The following IL1RAPL1 variants were observed in gnomAD, a reference collection of about 807,000 sequenced individuals.
IL1RAPL1 encodes the protein interleukin-1 receptor accessory protein-like 1.
Under a neutral mutation model 48.4 loss-of-function variants are expected in IL1RAPL1, and 3 were observed. That is an observed-to-expected ratio of 0.06 (90% confidence interval 0.03 to 0.16). IL1RAPL1 has a LOEUF of 0.16. IL1RAPL1 is among the 10% of genes least tolerant of loss of function. The pLI is 1.00. For synonymous variants in IL1RAPL1, 185 were observed against 187.7 expected (o/e 0.99, Z 0.12); for missense variants, 349 against 530.6 (o/e 0.66, Z 3.36).
intron 3 of IL1RAPL1, among the ~76,000 whole-genome samples, chrX:29,322,973 T>C (rs755170900): frequency 2.8e-4 from 31 of 111,933 alleles, no homozygotes; most frequent in Non-Finnish European, 5.1e-4. Context: ...TTTTTAAATA[T>C]TTTAGACCCT....
At chrX:29,202,471 A>T (rs1930574961) in intron 2 of IL1RAPL1, among the ~76,000 whole-genome samples, 1 of 112,334 alleles carries the variant, frequency 8.9e-6, no homozygotes, top group African/African-American at 3.2e-5. Context: ...AAGAACTCAA[A>T]GCAGAATTAT....
intron 5 of IL1RAPL1, among the ~76,000 whole-genome samples, chrX:29,516,547 C>A (rs1173295101): frequency 2.3e-4 from 21 of 90,003 alleles, no homozygotes; most frequent in Non-Finnish European, 4.9e-4. Context: ...ATTCACTGTT[C>A]TATGACTTAT....
At chrX:29,953,793 T>C (rs12847035) in intron 9 of IL1RAPL1, among the ~76,000 whole-genome samples, 38,097 of 110,107 alleles carry the variant, frequency 0.35, 5,923 homozygotes, top group African/African-American at 0.61. Flanking sequence ...AATCATTCAT[T>C]CACAATTAAG....
intron 2 of IL1RAPL1, among the ~76,000 whole-genome samples, chrX:29,167,626 A>C (rs1448082769): frequency 9.0e-6 from 1 of 110,561 alleles, no homozygotes; most frequent in Non-Finnish European, 1.9e-5. Context: ...AAGACAATAA[A>C]GTTGATAGTG....
intron 5 of IL1RAPL1, among the ~76,000 whole-genome samples, chrX:29,569,642 AAAC>A (rs201776828): frequency 0.011 from 1,218 of 107,714 alleles, 17 homozygotes; most frequent in African/African-American, 0.039. Context: ...CAAAAAAAAA[AAAC>A]AACTGCCATT....
intron 5 of IL1RAPL1, among the ~76,000 whole-genome samples, chrX:29,423,828 T>C (rs1484399734): frequency 1.8e-5 from 2 of 111,495 alleles, no homozygotes; most frequent in Non-Finnish European, 3.8e-5. Flanking sequence ...TAGTTTAGAG[T>C]GTACTATTTG....
chrX:28,603,539 T>A (rs1486409896), intron 1 of IL1RAPL1, among the ~76,000 whole-genome samples: 1 of 112,274 alleles, frequency 8.9e-6, no homozygotes, highest in Non-Finnish European at 1.9e-5. Flanking sequence ...TATTTCTTTG[T>A]GTCTTCCTAA....
intron 2 of IL1RAPL1, among the ~76,000 whole-genome samples, chrX:29,228,700 G>A (rs768012548): frequency 9.0e-6 from 1 of 111,726 alleles, no homozygotes; most frequent in African/African-American, 3.3e-5. Context: ...TAATCTATAG[G>A]TTTCTTCCTT....
At chrX:29,379,135 G>C (rs776055218) in intron 3 of IL1RAPL1, among the ~76,000 whole-genome samples, 1 of 112,654 alleles carries the variant, frequency 8.9e-6, no homozygotes, top group Non-Finnish European at 1.9e-5. Context: ...TAGACGTTCA[G>C]GGTTGGTTTC....
At chrX:29,622,692 A>T (rs1924496902) in intron 5 of IL1RAPL1, among the ~76,000 whole-genome samples, 1 of 111,169 alleles carries the variant, frequency 9.0e-6, no homozygotes, top group Non-Finnish European at 1.9e-5. Flanking sequence ...TCTGAAGAGT[A>T]TTTTTTTAAT....
At chrX:29,186,509 A>G (rs192110895) in intron 2 of IL1RAPL1, among the ~76,000 whole-genome samples, 32 of 111,524 alleles carry the variant, frequency 2.9e-4, no homozygotes, top group African/African-American at 9.1e-4. Flanking sequence ...GGCCTAGTAG[A>G]AAGGAAAGAA....
At chrX:28,987,655 C>T (rs192539508) in intron 2 of IL1RAPL1, among the ~76,000 whole-genome samples, 13 of 111,706 alleles carry the variant, frequency 1.2e-4, no homozygotes, top group East Asian at 8.5e-4. Context: ...TCCTCATTGG[C>T]GACCTACCCC....
chrX:28,846,480 C>T (rs1921512312), intron 2 of IL1RAPL1, among the ~76,000 whole-genome samples: 1 of 111,408 alleles, frequency 9.0e-6, no homozygotes, highest in South Asian at 3.7e-4. Context: ...AGAGCATGTT[C>T]AGTTTTGTAA....
intron 1 of IL1RAPL1, among the ~76,000 whole-genome samples, chrX:28,698,353 C>G (rs1935258582): frequency 9.0e-6 from 1 of 111,317 alleles, no homozygotes; most frequent in African/African-American, 3.3e-5. Context: ...TCCCTGAGCT[C>G]TCACCTTGAC....
intron 6 of IL1RAPL1, 83 bp downstream of exon 6, chrX:29,668,587 A>C (rs1926062239): frequency 1.4e-6 from 1 of 689,894 alleles, no homozygotes; most frequent in Admixed American, 2.5e-5. Context: ...ACCCGATGTA[A>C]TACTCGCAGC....
intron 2 of IL1RAPL1, among the ~76,000 whole-genome samples, chrX:29,047,591 G>A (rs1362330147): frequency 1.8e-5 from 2 of 112,165 alleles, no homozygotes; most frequent in East Asian, 5.6e-4. Flanking sequence ...AAGGATTTGG[G>A]ACCAAGGGTA....
chrX:29,506,095 T>A (rs909031772), intron 5 of IL1RAPL1, among the ~76,000 whole-genome samples: 13 of 112,210 alleles, frequency 1.2e-4, no homozygotes, highest in African/African-American at 4.2e-4. Flanking sequence ...TATTTCTCTT[T>A]GCTCAATTTT....
intron 2 of IL1RAPL1, among the ~76,000 whole-genome samples, chrX:29,142,086 T>C (rs1345384192): frequency 2.7e-5 from 3 of 112,324 alleles, no homozygotes; most frequent in Non-Finnish European, 5.6e-5. Flanking sequence ...TTTTTATATT[T>C]ATTCCATTTT....
At chrX:28,896,663 C>A (rs111342872) in intron 2 of IL1RAPL1, among the ~76,000 whole-genome samples, 1 of 110,069 alleles carries the variant, frequency 9.1e-6, no homozygotes, top group Non-Finnish European at 1.9e-5. Flanking sequence ...GGACCTGGCT[C>A]GGCCTGGCGA....
Sources: allele counts gnomAD v4.1 joint callset (sites outside exome capture counted in the v4.1 genomes callset), GRCh38; gene constraint gnomAD v4.1.1; transcripts MANE v1.5; gene names NCBI Gene and HGNC (gene_info 2026-07-23, HGNC 2026-07-21).